Variants in CDH22 observed in about 807,000 individuals in gnomAD.
The protein encoded by CDH22 is cadherin-22.
CDH22 carries 30 observed loss-of-function variants against 58.4 expected under a neutral mutation model. That is an observed-to-expected ratio of 0.51 (90% CI 0.38 to 0.70). The LOEUF is 0.70. Among genes scored for constraint, CDH22 ranks in the 30% least tolerant of loss-of-function variants. The pLI is 0.00. For synonymous variants in CDH22, 513 were observed against 558.2 expected (o/e 0.92, Z 1.14); for missense variants, 1,014 against 1,233.9 (o/e 0.82, Z 2.67).
chr20:46,264,743 G>A (rs1163771723), intron 1 of CDH22, among the ~76,000 whole-genome samples: 4 of 152,058 alleles, frequency 2.6e-5, no homozygotes, highest in Admixed American at 6.5e-5. Context: ...GCTACTTGAC[G>A]TGACTTAACC....
intron 1 of CDH22, among the ~76,000 whole-genome samples, chr20:46,294,279 G>A (rs1029293938): frequency 6.6e-6 from 1 of 152,102 alleles, no homozygotes; most frequent in East Asian, 1.9e-4. Flanking sequence ...GGTTGCAAAC[G>A]AAGTGGGTTC....
chr20:46,227,468 C>A (rs1413637397), intron 4 of CDH22, 40 bp downstream of exon 4: 1 of 1,430,478 alleles, frequency 7.0e-7, no homozygotes, highest in Admixed American at 1.9e-5. Flanking sequence ...CCCCTGGCCC[C>A]GCCCCACGGC....
chr20:46,215,059 G>C (rs1000966457), intron 5 of CDH22, among the ~76,000 whole-genome samples: 1 of 152,246 alleles, frequency 6.6e-6, no homozygotes, highest in Non-Finnish European at 1.5e-5. Flanking sequence ...CAGTGAGGAT[G>C]TGGTACAATG....
intron 8 of CDH22, among the ~76,000 whole-genome samples, chr20:46,193,250 A>G (rs1034152885): frequency 1.3e-5 from 2 of 152,090 alleles, no homozygotes; most frequent in African/African-American, 4.8e-5. Flanking sequence ...GGATCCCAGG[A>G]GTCATCCAGT....
chr20:46,286,227 C>A (rs1371910315), intron 1 of CDH22, among the ~76,000 whole-genome samples: 1 of 152,134 alleles, frequency 6.6e-6, no homozygotes, highest in Non-Finnish European at 1.5e-5. Context: ...GAAACGGGGG[C>A]TCAGAGAGGG....
chr20:46,223,680 T>TCTTTCTTTCTTTCTTTCTTC (rs2086145404), intron 4 of CDH22, among the ~76,000 whole-genome samples: 2 of 68,874 alleles, frequency 2.9e-5, no homozygotes, highest in African/African-American at 1.1e-4. Flanking sequence ...TTTCTTTCTT[T>TCTTTCTTTCTTTCTTTCTTC]CTTTCTTTCT....
intron 7 of CDH22, among the ~76,000 whole-genome samples, chr20:46,205,673 G>T (rs771400318): frequency 6.6e-6 from 1 of 152,152 alleles, no homozygotes; most frequent in Non-Finnish European, 1.5e-5. Context: ...CTAACTGAGA[G>T]GTGGGCCCAT....
intron 1 of CDH22, among the ~76,000 whole-genome samples, chr20:46,258,259 T>C (rs2086415963): frequency 6.6e-6 from 1 of 152,076 alleles, no homozygotes; most frequent in South Asian, 2.1e-4. Context: ...ATGGTCCCTC[T>C]TGGGATTTGT....
rs1453329231 is a variant in CDH22 at position 46,251,885 on chromosome 20, CCG to C, written c.-399-194_-399-193del. On this transcript the variant is annotated intron_variant, in intron 1 of 11. Coordinates refer to ENST00000537909, the MANE Select transcript of CDH22 (RefSeq NM_021248.3). The surrounding 1 kb of genome is among the most constrained non-coding windows in gnomAD (Gnocchi z 6.7). ...CCCATAGTCTAGTAGGCGCCCTCTC[CCG>C]CACATCGCAGCCTCTCCTTTCACCT... 6.6e-6 allele frequency among the ~76,000 whole-genome samples: 1 copy of C among 152,024 alleles called. No homozygotes were observed. Among genetic ancestry groups the C allele is most frequent in the Non-Finnish European group, 1.5e-5 (1 of 67,984 alleles).
intron 1 of CDH22, among the ~76,000 whole-genome samples, chr20:46,268,426 A>G (rs2086472411): frequency 6.6e-6 from 1 of 152,244 alleles, no homozygotes; most frequent in Non-Finnish European, 1.5e-5. Flanking sequence ...TTCCGCTTTC[A>G]TCTTGTCAAC....
intron 3 of CDH22, among the ~76,000 whole-genome samples, chr20:46,228,149 C>T (rs1006022335): frequency 3.3e-5 from 5 of 152,206 alleles, no homozygotes; most frequent in African/African-American, 1.2e-4. Context: ...GGGACTTCTG[C>T]CTCCTCTCCC....
intron 7 of CDH22, among the ~76,000 whole-genome samples, chr20:46,200,012 C>T (rs547198754): frequency 5.2e-4 from 78 of 151,396 alleles, no homozygotes; most frequent in African/African-American, 1.7e-3. Flanking sequence ...CTCGCACTTT[C>T]GCCCAGGCTG....
chr20:46,250,917 A>C, intron 2 of CDH22, 123 bp downstream of exon 2: 1 of 630,466 alleles, frequency 1.6e-6, no homozygotes, highest in Non-Finnish European at 2.8e-6. Context: ...GTCCTTGGCT[A>C]GGGAGCAGAA....
At chr20:46,254,806 G>A (rs2086398453) in intron 1 of CDH22, among the ~76,000 whole-genome samples, 1 of 152,150 alleles carries the variant, frequency 6.6e-6, no homozygotes, top group African/African-American at 2.4e-5. Context: ...CTGGAAGGAT[G>A]AGAAGGAGCT....
chr20:46,289,423 C>G (rs1011292175), intron 1 of CDH22, among the ~76,000 whole-genome samples: 1 of 152,046 alleles, frequency 6.6e-6, no homozygotes, highest in Non-Finnish European at 1.5e-5. Context: ...GTCTTTTTTG[C>G]TTGATGCTGT....
chr20:46,217,499 T>C (rs1440727378), intron 4 of CDH22, among the ~76,000 whole-genome samples: 1 of 152,112 alleles, frequency 6.6e-6, no homozygotes, highest in African/African-American at 2.4e-5. Context: ...CACACTCCTA[T>C]AGATACACTC....
At chr20:46,248,475 G>T (rs563658598) in intron 2 of CDH22, among the ~76,000 whole-genome samples, 1 of 152,264 alleles carries the variant, frequency 6.6e-6, no homozygotes, top group Non-Finnish European at 1.5e-5. Flanking sequence ...TGAGGGGTCT[G>T]GAAAATCAGG....
chr20:46,248,616 A>T (rs750506309), intron 2 of CDH22, among the ~76,000 whole-genome samples: 7 of 152,132 alleles, frequency 4.6e-5, no homozygotes, highest in Non-Finnish European at 1.0e-4. Context: ...TGAGGTCAGG[A>T]GTTCAAAGCC....
At chr20:46,194,225 C>T (rs893875687) in intron 8 of CDH22, among the ~76,000 whole-genome samples, 2 of 152,146 alleles carry the variant, frequency 1.3e-5, no homozygotes, top group Non-Finnish European at 2.9e-5. Context: ...CACTGGGTCT[C>T]AGAGCCCAGC....
Sources: gnomAD v4.1 joint callset for allele counts (sites outside exome capture counted in the v4.1 genomes callset) on GRCh38, gnomAD v4.1.1 for gene constraint, Gnocchi (gnomAD v3.1) non-coding constraint, MANE v1.5 for transcripts, NCBI Gene and HGNC (gene_info 2026-07-23, HGNC 2026-07-21) for gene names.